KIF11: variants seen among roughly 807,000 people sequenced by gnomAD.
KIF11 encodes kinesin-like protein KIF11.
Under a neutral mutation model 121.0 loss-of-function variants are expected in KIF11, and 9 were observed. The observed-to-expected ratio is 0.07, with a 90% confidence interval of 0.04 to 0.13. The LOEUF (loss-of-function observed/expected upper bound fraction) is 0.13, where lower values mean the gene tolerates loss of function less well. KIF11 is among the 10% of genes least tolerant of loss of function. The pLI is 1.00. For synonymous variants in KIF11, 408 were observed against 421.0 expected (o/e 0.97, Z 0.38); for missense variants, 846 against 1,217.5 (o/e 0.69, Z 4.54).
chr10:92,636,815 C>T (rs1441458621), intron 14 of KIF11, among the ~76,000 whole-genome samples: 1 of 151,100 alleles, frequency 6.6e-6, no homozygotes, highest in East Asian at 2.0e-4. Flanking sequence ...GGCGGATCAC[C>T]TGAGGTCAGG....
At chr10:92,610,145 C>T (rs1844479694) in intron 6 of KIF11, among the ~76,000 whole-genome samples, 1 of 152,176 alleles carries the variant, frequency 6.6e-6, no homozygotes, top group African/African-American at 2.4e-5. Flanking sequence ...CGCTCTGAGG[C>T]TTACCTCCTT....
chr10:92,639,396 T>G (rs1036062518), intron 16 of KIF11, among the ~76,000 whole-genome samples: 2 of 152,138 alleles, frequency 1.3e-5, no homozygotes, highest in East Asian at 3.8e-4. Flanking sequence ...AAGACCAGCC[T>G]GGTCAACATA....
chr10:92,628,045 T>C (rs976706198), intron 10 of KIF11, among the ~76,000 whole-genome samples: 6 of 152,078 alleles, frequency 3.9e-5, no homozygotes, highest in Non-Finnish European at 8.8e-5. Context: ...TCAATGGAAG[T>C]GGTGTTGGGG....
intron 18 of KIF11, among the ~76,000 whole-genome samples, chr10:92,647,339 C>T (rs1192036888): frequency 6.6e-6 from 1 of 151,812 alleles, no homozygotes; most frequent in Non-Finnish European, 1.5e-5. Flanking sequence ...GTCCTTAAGT[C>T]TTAGTTTGCC....
rs763987519 is a variant in KIF11, at chr10:92,653,841, A to G, written c.*45A>G. 3 of 1,550,380 alleles carry G rather than the reference A, an allele frequency of 1.9e-6. No homozygotes were observed. The South Asian group carries it at 3.5e-5, about 18-fold the overall frequency. On this transcript the variant is annotated 3_prime_UTR_variant, in exon 22 of 22. Transcript: ENST00000260731. ...TTTTATTTTTAAAGAAAACTTAAAAATAAAACCTGAAACCCCAGAACTTGA... is the reference window on the plus strand; with the variant it reads ...TTTTATTTTTAAAGAAAACTTAAAAGTAAAACCTGAAACCCCAGAACTTGA...
intron 17 of KIF11, among the ~76,000 whole-genome samples, chr10:92,643,414 A>G (rs1406569581): frequency 6.6e-6 from 1 of 152,144 alleles, no homozygotes; most frequent in Non-Finnish European, 1.5e-5. Context: ...AAAGGACATT[A>G]TAATAGTATA....
intron 19 of KIF11, among the ~76,000 whole-genome samples, chr10:92,649,025 TG>T (rs1844952000): frequency 6.6e-6 from 1 of 152,208 alleles, no homozygotes; most frequent in African/African-American, 2.4e-5. Context: ...CATTGGATTA[TG>T]GTAATGGTTG....
chr10:92,618,738 TAAC>T (rs1844588014), intron 9 of KIF11, among the ~76,000 whole-genome samples: 1 of 152,234 alleles, frequency 6.6e-6, no homozygotes, highest in Middle Eastern at 3.4e-3. Flanking sequence ...TTGATATTAA[TAAC>T]AATCCACTAA....
At chr10:92,610,732 C>T (rs1048711589) in intron 6 of KIF11, among the ~76,000 whole-genome samples, 8 of 152,084 alleles carry the variant, frequency 5.3e-5, no homozygotes, top group African/African-American at 1.9e-4. Flanking sequence ...TATTTCTTTT[C>T]TGGCTTGTAG....
chr10:92,626,755 A>ATTTTAT (rs1335231724), intron 10 of KIF11, among the ~76,000 whole-genome samples: 3 of 151,912 alleles, frequency 2.0e-5, no homozygotes, highest in Non-Finnish European at 4.4e-5. Flanking sequence ...TATTTATTTT[A>ATTTTAT]TTTTATTTTT....
intron 9 of KIF11, among the ~76,000 whole-genome samples, chr10:92,619,942 A>G (rs1475884065): frequency 6.6e-6 from 1 of 151,246 alleles, no homozygotes; most frequent in Non-Finnish European, 1.5e-5. Context: ...TGTTCTTTGT[A>G]TTTTCTTTGT....
At chr10:92,621,926 A>G (rs1201401492) in intron 10 of KIF11, among the ~76,000 whole-genome samples, 2 of 152,186 alleles carry the variant, frequency 1.3e-5, no homozygotes, top group Non-Finnish European at 2.9e-5. Flanking sequence ...GAAGAGTACA[A>G]GAGAGGTTTC....
intron 9 of KIF11, among the ~76,000 whole-genome samples, chr10:92,618,884 C>G (rs1357932868): frequency 6.6e-6 from 1 of 152,098 alleles, no homozygotes; most frequent in African/African-American, 2.4e-5. Context: ...CTTCATATTG[C>G]TCTTTTGTAA....
intron 10 of KIF11, among the ~76,000 whole-genome samples, chr10:92,625,294 A>C (rs1844662188): frequency 6.6e-6 from 1 of 150,852 alleles, no homozygotes; most frequent in Admixed American, 6.6e-5. Flanking sequence ...ATAGTTTCAT[A>C]TGCTTCTTAG....
chr10:92,611,215 T>C (rs1294299293), intron 6 of KIF11, among the ~76,000 whole-genome samples: 1 of 151,834 alleles, frequency 6.6e-6, no homozygotes, highest in Non-Finnish European at 1.5e-5. Flanking sequence ...GTATTATTAT[T>C]ATTATTATTA....
intron 9 of KIF11, among the ~76,000 whole-genome samples, 193 bp downstream of exon 9, chr10:92,617,025 T>G (rs2135907298): frequency 6.6e-6 from 1 of 152,370 alleles, no homozygotes; most frequent in Admixed American, 6.5e-5. Flanking sequence ...TTTACCAACT[T>G]TATCAACTGA....
At chr10:92,636,420 C>CAG (rs1254441690) in intron 14 of KIF11, among the ~76,000 whole-genome samples, 1 of 151,652 alleles carries the variant, frequency 6.6e-6, no homozygotes, top group Non-Finnish European at 1.5e-5. Flanking sequence ...AGTTCGAGAC[C>CAG]AGCCTGGCCA....
At chr10:92,602,528 T>G (rs917646552) in intron 1 of KIF11, among the ~76,000 whole-genome samples, 1 of 152,096 alleles carries the variant, frequency 6.6e-6, no homozygotes, top group African/African-American at 2.4e-5. Context: ...AGCTGGGTTA[T>G]CCGATTTGTT....
In KIF11 at chr10:92,633,726, G is replaced by C. The variant is rs116840343; in HGVS notation, c.1806G>C (p.Gln602His). The change falls in exon 14 of 22, where the codon CAG (glutamine) becomes CAC (histidine). Residue 602 changes from glutamine (Q) to histidine (H), a missense_variant. Gln to His is a conservative substitution (Grantham distance 24, BLOSUM62 0). This residue lies in a region of KIF11 where 492 missense variants were observed against 603.4 expected (regional missense o/e 0.82). Transcript: ENST00000260731. ...IPENVSTHVS[Q>H]IFNMILKEQS... is the part of the protein sequence containing the mutation. ...AAAATGTGTCTACTCATGTTTCTCAGATTTTTAATATGATACTAAAAGAAC... is the reference window on the plus strand; with the variant it reads ...AAAATGTGTCTACTCATGTTTCTCACATTTTTAATATGATACTAAAAGAAC... 4 of 1,597,434 alleles carry C rather than the reference G, an allele frequency of 2.5e-6. No individual in the cohort carries two copies. The highest frequency in any genetic ancestry group is 3.4e-6 in the Non-Finnish European group (4 of 1,165,626).
Sources: allele counts gnomAD v4.1 joint callset (sites outside exome capture counted in the v4.1 genomes callset), GRCh38; gene constraint gnomAD v4.1.1; regional missense constraint gnomAD v4.1.1; transcripts MANE v1.5; gene names NCBI Gene and HGNC (gene_info 2026-07-23, HGNC 2026-07-21).